The following ADARB2 variants were observed in gnomAD, a reference collection of about 807,000 sequenced individuals.
The protein encoded by ADARB2 is adenosine deaminase RNA specific B2 (inactive).
In ADARB2, 25 loss-of-function variants were observed where a neutral mutation model predicts 62.2. That is an observed-to-expected ratio of 0.40 (90% CI 0.29 to 0.56). The LOEUF (loss-of-function observed/expected upper bound fraction) is 0.56, where lower values mean the gene tolerates loss of function less well. ADARB2 is among the 20% of genes least tolerant of loss of function. ADARB2 has a pLI of 0.43. For synonymous variants in ADARB2, 572 were observed against 500.8 expected (o/e 1.14, Z -1.90); for missense variants, 1,071 against 1,077.4 (o/e 0.99, Z 0.08).
intron 7 of ADARB2, among the ~76,000 whole-genome samples, chr10:1,215,511 C>A: frequency 6.6e-6 from 1 of 152,204 alleles, no homozygotes; most frequent in Non-Finnish European, 1.5e-5. Context: ...TCCTGGGGAC[C>A]AACCTTTGCA....
intron 8 of ADARB2, among the ~76,000 whole-genome samples, chr10:1,188,925 A>G (rs910530376): frequency 7.9e-5 from 12 of 152,264 alleles, no homozygotes; most frequent in Non-Finnish European, 1.5e-4. Flanking sequence ...TTCCTTCTCC[A>G]GTGCGGCCAG....
chr10:1,348,766 G>C (rs1205270382), intron 3 of ADARB2, among the ~76,000 whole-genome samples: 1 of 152,208 alleles, frequency 6.6e-6, no homozygotes, highest in African/African-American at 2.4e-5. Context: ...AGGATGGCCG[G>C]GCTGCTGCTG....
At chr10:1,514,178 AATATATATAT>A (rs61671460) in intron 1 of ADARB2, among the ~76,000 whole-genome samples, 3 of 94,158 alleles carry the variant, frequency 3.2e-5, no homozygotes, top group Non-Finnish European at 4.4e-5. Context: ...GCTGTCTCAA[AATATATATAT>A]ATATATATGT....
intron 1 of ADARB2, among the ~76,000 whole-genome samples, chr10:1,389,784 T>TA (rs869033698): frequency 7.5e-4 from 110 of 146,860 alleles, no homozygotes; most frequent in African/African-American, 2.6e-3. Context: ...AATAAATAAA[T>TA]AATAAATAAA....
chr10:1,451,328 A>C (rs1023729163), intron 1 of ADARB2, among the ~76,000 whole-genome samples: 1 of 152,242 alleles, frequency 6.6e-6, no homozygotes, highest in Non-Finnish European at 1.5e-5. Flanking sequence ...TGGAGGGAGC[A>C]AACAGTGGAG....
At chr10:1,546,414 CA>C (rs974154987) in intron 1 of ADARB2, among the ~76,000 whole-genome samples, 1 of 152,200 alleles carries the variant, frequency 6.6e-6, no homozygotes, top group African/African-American at 2.4e-5. Flanking sequence ...CACTGTTGAC[CA>C]GCTCTAAAAT....
chr10:1,614,411 C>T (rs1165716175), intron 1 of ADARB2, among the ~76,000 whole-genome samples: 1 of 152,152 alleles, frequency 6.6e-6, no homozygotes, highest in Non-Finnish European at 1.5e-5. Flanking sequence ...ACAGAAAAAG[C>T]AATGATTTTA....
chr10:1,324,345 A>G (rs1354182821), intron 3 of ADARB2, among the ~76,000 whole-genome samples: 1 of 152,194 alleles, frequency 6.6e-6, no homozygotes, highest in East Asian at 1.9e-4. Flanking sequence ...TTATTAAACT[A>G]AACGTGATTA....
At chr10:1,337,273 C>T (rs1466416270) in intron 3 of ADARB2, among the ~76,000 whole-genome samples, 1 of 152,166 alleles carries the variant, frequency 6.6e-6, no homozygotes, top group Non-Finnish European at 1.5e-5. Flanking sequence ...GAGTGATTCT[C>T]ACTCAGGATT....
intron 3 of ADARB2, among the ~76,000 whole-genome samples, chr10:1,355,446 TCTGTAAAACAGAC>T: frequency 6.6e-6 from 1 of 152,216 alleles, no homozygotes; most frequent in Non-Finnish European, 1.5e-5. Flanking sequence ...AACGTCCTTC[TCTGTAAAACAGAC>T]CTCAAAAATT....
At chr10:1,233,629 C>A in intron 6 of ADARB2, 65 bp downstream of exon 6, 1 of 1,515,158 alleles carries the variant, frequency 6.6e-7, no homozygotes, top group Non-Finnish European at 8.9e-7. Flanking sequence ...AAGCCCAGGA[C>A]AGAGTCCCAG....
intron 1 of ADARB2, among the ~76,000 whole-genome samples, chr10:1,624,003 C>T (rs564060270): frequency 2.0e-5 from 3 of 152,038 alleles, no homozygotes; most frequent in Non-Finnish European, 4.4e-5. Context: ...GAGGCTGAGG[C>T]GGATCGATCA....
intron 1 of ADARB2, chr10:1,556,596 CTG>C (rs745963339): frequency 8.5e-6 from 4 of 469,416 alleles, no homozygotes; most frequent in Admixed American, 4.7e-5. Context: ...TTGCTTTTTT[CTG>C]TCTCTTTTGC....
intron 5 of ADARB2, among the ~76,000 whole-genome samples, chr10:1,234,617 T>G (rs944330126): frequency 1.3e-5 from 2 of 151,506 alleles, no homozygotes; most frequent in Non-Finnish European, 2.9e-5. Flanking sequence ...ATTTATTTAC[T>G]TTTTTTTAGA....
At chr10:1,463,482 T>C (rs1302093336) in intron 1 of ADARB2, among the ~76,000 whole-genome samples, 1 of 152,220 alleles carries the variant, frequency 6.6e-6, no homozygotes, top group Admixed American at 6.5e-5. Flanking sequence ...GCTAAAGTGG[T>C]TAACCCGGGC....
At chr10:1,412,561 C>T (rs755013500) in intron 1 of ADARB2, among the ~76,000 whole-genome samples, 4 of 151,968 alleles carry the variant, frequency 2.6e-5, no homozygotes, top group Non-Finnish European at 5.9e-5. Context: ...TCCTTTGAGC[C>T]AACGCATAAA....
Position 1,180,461 on chromosome 10 carries a change from C to A in ADARB2, c.*2732G>T, listed in dbSNP as rs1564212261. 2 of 152,712 alleles carry A rather than the reference C, an allele frequency of 1.3e-5. No homozygotes were observed. Among genetic ancestry groups the A allele is most frequent in the African/African-American group, 2.4e-5 (1 of 41,462 alleles). The allele number at this position is 152,712 out of a possible 1,614,324, so 9.5% of individuals were successfully genotyped here. A position where few individuals can be genotyped will look rare whatever the true frequency, so the allele number is the denominator to read the frequency against. On this transcript the variant is annotated 3_prime_UTR_variant, in exon 10 of 10. Transcript: ENST00000381312. ...CCTGGGGCTGTGGGAATCCTGGGAC[C>A]TGGCCCCTTCGGGCACTCCTGGCAC... is the stretch of plus-strand genomic sequence containing the variant.
chr10:1,525,519 G>A (rs1314468236), intron 1 of ADARB2, among the ~76,000 whole-genome samples: 1 of 151,980 alleles, frequency 6.6e-6, no homozygotes, highest in Admixed American at 6.6e-5. Context: ...GGTATCTAGG[G>A]GGCCTTTTCA....
At chr10:1,272,632 A>G (rs1564242970) in intron 3 of ADARB2, among the ~76,000 whole-genome samples, 1 of 152,180 alleles carries the variant, frequency 6.6e-6, no homozygotes, top group Non-Finnish European at 1.5e-5. Context: ...GAAGCCCCAC[A>G]TAGGACAGAT....
Sources: gnomAD v4.1 joint callset for allele counts (sites outside exome capture counted in the v4.1 genomes callset) on GRCh38, gnomAD v4.1.1 for gene constraint, MANE v1.5 for transcripts, NCBI Gene and HGNC (gene_info 2026-07-23, HGNC 2026-07-21) for gene names.